Variants in SLC39A11 observed in about 807,000 individuals in gnomAD.
The protein encoded by SLC39A11 is solute carrier family 39 member 11.
SLC39A11 carries 33 observed loss-of-function variants against 36.1 expected under a neutral mutation model. The observed-to-expected ratio is 0.91, with a 90% CI of 0.69 to 1.22. The LOEUF is 1.22. Ranked by LOEUF, SLC39A11 falls within the 50% of genes most tolerant of loss-of-function variation. SLC39A11 has a pLI of 0.00. For synonymous variants in SLC39A11, 166 were observed against 170.3 expected, an observed-to-expected ratio of 0.97 and a Z score of 0.20; for missense variants, 432 against 430.3, an observed-to-expected ratio of 1.00 and a Z score of -0.03.
At chr17:72,757,503 A>G (rs2075399355) in intron 6 of SLC39A11, among the ~76,000 whole-genome samples, 1 of 152,144 alleles carries the variant, frequency 6.6e-6, no homozygotes, top group Admixed American at 6.5e-5. Context: ...GGGGCTGCCT[A>G]TGGTCGAGAG....
intron 5 of SLC39A11, among the ~76,000 whole-genome samples, chr17:72,918,624 T>G (rs1373700722): frequency 1.3e-5 from 2 of 152,192 alleles, no homozygotes; most frequent in African/African-American, 4.8e-5. Flanking sequence ...CCCTCTCAAC[T>G]GGCCCCAGCT....
At chr17:73,054,756 C>G (rs1345486292) in intron 3 of SLC39A11, among the ~76,000 whole-genome samples, 1 of 142,148 alleles carries the variant, frequency 7.0e-6, no homozygotes, top group East Asian at 2.1e-4. Flanking sequence ...TGCAGTGAGC[C>G]AAGATCGTGC....
chr17:73,009,802 T>C (rs1335017619), intron 4 of SLC39A11, among the ~76,000 whole-genome samples: 1 of 152,184 alleles, frequency 6.6e-6, no homozygotes, highest in Admixed American at 6.5e-5. Flanking sequence ...GTTTGTTACA[T>C]ATGTATACAT....
intron 1 of SLC39A11, among the ~76,000 whole-genome samples, chr17:73,091,264 C>G (rs868449222): frequency 1.3e-5 from 2 of 152,048 alleles, no homozygotes; most frequent in African/African-American, 2.4e-5. Flanking sequence ...CCCATCTCTA[C>G]TAAAAACACA....
chr17:72,972,386 G>T (rs1373018085), intron 4 of SLC39A11, among the ~76,000 whole-genome samples: 1 of 152,068 alleles, frequency 6.6e-6, no homozygotes, highest in Admixed American at 6.6e-5. Flanking sequence ...GTGGTCTCCC[G>T]ATCCAATCGT....
intron 4 of SLC39A11, among the ~76,000 whole-genome samples, chr17:72,980,522 C>G (rs999074347): frequency 1.3e-5 from 2 of 152,122 alleles, no homozygotes; most frequent in African/African-American, 4.8e-5. Context: ...AAAAAAATAC[C>G]TAGACGATGT....
At chr17:72,816,541 G>A (rs941110568) in intron 6 of SLC39A11, among the ~76,000 whole-genome samples, 1 of 152,150 alleles carries the variant, frequency 6.6e-6, no homozygotes, top group African/African-American at 2.4e-5. Context: ...AAAGCAACAG[G>A]GTCATAGAAC....
chr17:72,955,469 A>ATTTT (rs57079729), intron 4 of SLC39A11, among the ~76,000 whole-genome samples: 5 of 128,680 alleles, frequency 3.9e-5, no homozygotes, highest in Non-Finnish European at 1.6e-5. Context: ...CGTCTGGCTA[A>ATTTT]TTTTTTTTTT....
chr17:72,702,939 CAA>C (rs57566412), intron 7 of SLC39A11, among the ~76,000 whole-genome samples: 10 of 86,836 alleles, frequency 1.2e-4, no homozygotes, highest in African/African-American at 1.4e-4. Context: ...TCCATCTCAC[CAA>C]AAAAAAAAAA....
chr17:72,852,073 C>A (rs1271911563), intron 5 of SLC39A11, among the ~76,000 whole-genome samples: 1 of 151,220 alleles, frequency 6.6e-6, no homozygotes, highest in Non-Finnish European at 1.5e-5. Context: ...TGGTGGCAGG[C>A]GCCTGTAGTC....
chr17:72,981,510 C>T (rs1325642632), intron 4 of SLC39A11, among the ~76,000 whole-genome samples: 1 of 148,710 alleles, frequency 6.7e-6, no homozygotes, highest in East Asian at 2.0e-4. Flanking sequence ...CTCTATCTCA[C>T]TTTTTATACC....
intron 7 of SLC39A11, among the ~76,000 whole-genome samples, chr17:72,674,190 C>T (rs2071151601): frequency 6.6e-6 from 1 of 152,128 alleles, no homozygotes; most frequent in Non-Finnish European, 1.5e-5. Context: ...GGTAATCTGT[C>T]TTCTTTGGTC....
intron 3 of SLC39A11, among the ~76,000 whole-genome samples, chr17:73,055,437 T>C (rs558067790): frequency 6.6e-6 from 1 of 151,784 alleles, no homozygotes; most frequent in South Asian, 2.1e-4. Context: ...CACTTTTTTT[T>C]CTTTTTTTTT....
At chr17:72,970,759 T>C (rs2087382432) in intron 4 of SLC39A11, among the ~76,000 whole-genome samples, 1 of 152,236 alleles carries the variant, frequency 6.6e-6, no homozygotes, top group Admixed American at 6.5e-5. Flanking sequence ...TGGGGTCACC[T>C]TGGGTTTCTA....
At chr17:73,039,559 C>G (rs1186159221) in intron 3 of SLC39A11, among the ~76,000 whole-genome samples, 1 of 150,324 alleles carries the variant, frequency 6.7e-6, no homozygotes, top group South Asian at 2.1e-4. Flanking sequence ...ATTCAACACC[C>G]ATTTTTTGGT....
At chr17:72,689,125 G>T (rs952313047) in intron 7 of SLC39A11, among the ~76,000 whole-genome samples, 1 of 152,140 alleles carries the variant, frequency 6.6e-6, no homozygotes, top group Non-Finnish European at 1.5e-5. Context: ...GTAAATATTT[G>T]GTGTCCTCTG....
intron 3 of SLC39A11, among the ~76,000 whole-genome samples, chr17:73,081,670 C>CATATATGTATATATGTATAT (rs1568242944): frequency 6.1e-5 from 5 of 82,204 alleles, no homozygotes; most frequent in South Asian, 4.7e-4. Context: ...CACACACACA[C>CATATATGTATATATGTATAT]ATATATATAC....
At chr17:72,979,734 A>G (rs2088155853) in intron 4 of SLC39A11, among the ~76,000 whole-genome samples, 1 of 152,134 alleles carries the variant, frequency 6.6e-6, no homozygotes, top group Non-Finnish European at 1.5e-5. Flanking sequence ...AGGACCCCAA[A>G]ACAAATCTTG....
intron 5 of SLC39A11, among the ~76,000 whole-genome samples, chr17:72,923,905 G>A (rs1384617003): frequency 6.6e-6 from 1 of 152,092 alleles, no homozygotes; most frequent in African/African-American, 2.4e-5. Flanking sequence ...AACACTCTGG[G>A]AGGCTGAGGC....
Sources: gnomAD v4.1 joint callset for allele counts (sites outside exome capture counted in the v4.1 genomes callset) on GRCh38, gnomAD v4.1.1 for gene constraint, MANE v1.5 for transcripts, NCBI Gene and HGNC (gene_info 2026-07-23, HGNC 2026-07-21) for gene names.